AP3S1: variants seen among roughly 807,000 people sequenced by gnomAD.
AP3S1 encodes adaptor related protein complex 3 subunit sigma 1.
AP3S1 carries 12 observed loss-of-function variants against 21.3 expected under a neutral mutation model. That is an observed-to-expected ratio of 0.56 (90% CI 0.36 to 0.91). AP3S1 has a LOEUF of 0.91. Ranked by LOEUF, AP3S1 falls within the 40% of genes least tolerant of loss-of-function variation. AP3S1 has a pLI of 0.01. For synonymous variants in AP3S1, 48 were observed against 78.4 expected (o/e 0.61, Z 2.05); for missense variants, 116 against 225.0 (o/e 0.52, Z 3.10).
At chr5:115,849,929 T>C (rs1407362313) in intron 1 of AP3S1, among the ~76,000 whole-genome samples, 1 of 151,932 alleles carries the variant, frequency 6.6e-6, no homozygotes, top group Non-Finnish European at 1.5e-5. Flanking sequence ...ACAAAAAACA[T>C]GAGTGCTCCA....
chr5:115,889,402 A>G (rs1324321228), intron 3 of AP3S1, among the ~76,000 whole-genome samples: 1 of 152,220 alleles, frequency 6.6e-6, no homozygotes, highest in Non-Finnish European at 1.5e-5. Flanking sequence ...ACAGAAATCA[A>G]TTTCAGATAA....
chr5:115,845,436 G>C (rs1761982840), intron 1 of AP3S1, among the ~76,000 whole-genome samples: 1 of 152,184 alleles, frequency 6.6e-6, no homozygotes, highest in Non-Finnish European at 1.5e-5. Flanking sequence ...TAGATTGTTA[G>C]ATTCGATTGT....
intron 3 of AP3S1, among the ~76,000 whole-genome samples, chr5:115,873,375 A>G (rs997311900): frequency 2.0e-5 from 3 of 152,226 alleles, no homozygotes; most frequent in Non-Finnish European, 2.9e-5. Flanking sequence ...GATAACATAC[A>G]GAAGAAAGGA....
chr5:115,857,407 A>G (rs989892550), intron 1 of AP3S1, among the ~76,000 whole-genome samples: 1 of 152,226 alleles, frequency 6.6e-6, no homozygotes, highest in Non-Finnish European at 1.5e-5. Context: ...GCTACAAATG[A>G]GGAAAACTCA....
intron 1 of AP3S1, among the ~76,000 whole-genome samples, chr5:115,857,671 T>C (rs1762894996): frequency 6.6e-6 from 1 of 152,252 alleles, no homozygotes; most frequent in Admixed American, 6.5e-5. Flanking sequence ...TTTATGTACG[T>C]GTCTAAATAA....
rs34447523 is a variant in AP3S1, at chr5:115,855,019, A to ATATCTATCTATC, written c.70-11617_70-11606dup. On this transcript the variant is annotated intron_variant, in intron 1 of 5. Transcript: ENST00000316788. Reference sequence around the variant, plus strand: ...GTGTGTGTGTGTATGTATATATTTTATATCTATCTATCTATCTATCTATCT... The same window carrying ATATCTATCTATC: ...GTGTGTGTGTGTATGTATATATTTTATATCTATCTATCTATCTATCTATCTATCTATCTATCT... Among the ~76,000 whole-genome samples, 1,250 of 147,536 alleles carry ATATCTATCTATC rather than the reference A, an allele frequency of 8.5e-3. 6 individuals carry two copies. The highest frequency in any genetic ancestry group is 0.011 in the Non-Finnish European group (720 of 66,942).
At chr5:115,879,983 T>C (rs1048709950) in intron 3 of AP3S1, among the ~76,000 whole-genome samples, 4 of 152,192 alleles carry the variant, frequency 2.6e-5, no homozygotes, top group African/African-American at 9.7e-5. Flanking sequence ...GATTTTCTAG[T>C]TTATTTGCGT....
Position 115,866,690 on chromosome 5 carries a change from A to T in AP3S1, c.90A>T (p.Gln30His). The T allele has an allele frequency of 6.2e-7, 1 of 1,604,926 alleles. No individual in the cohort carries two copies. Among genetic ancestry groups the T allele is most frequent in the East Asian group, 2.3e-5 (1 of 44,432 alleles). Reference sequence around the variant, plus strand: ...CTCAGAGTGAAGATACACAACAGCAAATCATCAGGGAGACTTTCCATTTGG... The same window carrying T: ...CTCAGAGTGAAGATACACAACAGCATATCATCAGGGAGACTTTCCATTTGG... ...YQPYSEDTQQ[Q>H]IIRETFHLVS... The change falls in exon 2 of 6, where the codon CAA becomes CAT. Residue 30 changes from glutamine to histidine, a missense_variant. Gln to His is a conservative substitution (Grantham distance 24). Around this residue, in one of 3 missense-constraint regions of AP3S1, gnomAD observed 50 missense variants for 55.5 expected, o/e 0.90. Coordinates refer to ENST00000316788, the MANE Select transcript of AP3S1 (RefSeq NM_001284.4).
chr5:115,854,314 C>G (rs1182994514), intron 1 of AP3S1, among the ~76,000 whole-genome samples: 1 of 152,158 alleles, frequency 6.6e-6, no homozygotes, highest in African/African-American at 2.4e-5. Context: ...GTTAATTATA[C>G]CTGCCATTTA....
intron 5 of AP3S1, among the ~76,000 whole-genome samples, chr5:115,911,298 AGT>A (rs1752087789): frequency 6.6e-6 from 1 of 151,994 alleles, no homozygotes; most frequent in Non-Finnish European, 1.5e-5. Context: ...ACTATTTATA[AGT>A]GTAAACCATA....
intron 3 of AP3S1, 78 bp from the exon 4 acceptor site, chr5:115,895,005 ATAAT>A (rs1464775221): frequency 1.1e-6 from 1 of 872,888 alleles, no homozygotes; most frequent in African/African-American, 1.7e-5. Context: ...ATTTTAGTTC[ATAAT>A]TAAGAATTGC....
intron 5 of AP3S1, among the ~76,000 whole-genome samples, chr5:115,913,095 A>C (rs1042865927): frequency 6.6e-6 from 1 of 152,168 alleles, no homozygotes; most frequent in African/African-American, 2.4e-5. Context: ...TATCATGTGA[A>C]TATTGTGTGG....
At chr5:115,864,967 T>TA (rs1209219733) in intron 1 of AP3S1, among the ~76,000 whole-genome samples, 8 of 152,154 alleles carry the variant, frequency 5.3e-5, no homozygotes, top group Non-Finnish European at 4.4e-5. Flanking sequence ...ATGCTAAAGC[T>TA]AAAGCAGACA....
rs139745556 is a variant in AP3S1, at chr5:115,884,097, A to G, written c.274-10990A>G. Among the ~76,000 whole-genome samples, 777 of 152,292 alleles carry G rather than the reference A, an allele frequency of 5.1e-3. 2 individuals carry two copies. The highest frequency in any genetic ancestry group is 7.0e-3 in the South Asian group (34 of 4,826). On this transcript the variant is annotated intron_variant, in intron 3 of 5. Transcript: ENST00000316788. ...AGAAACCATGTTTATCACTTTGCAC[A>G]GTTCAGTGGTTGCTGAGATCTATTA...
chr5:115,842,554 C>T (rs1761692549), intron 1 of AP3S1: 1 of 160,118 alleles, frequency 6.2e-6, no homozygotes, highest in South Asian at 1.8e-4. Context: ...TCGCCCCCCT[C>T]CGCCGACTCC....
chr5:115,889,327 A>G (rs1445505553), intron 3 of AP3S1, among the ~76,000 whole-genome samples: 1 of 152,328 alleles, frequency 6.6e-6, no homozygotes. Context: ...GCATACTGGA[A>G]ATTGTATTCT....
intron 1 of AP3S1, among the ~76,000 whole-genome samples, chr5:115,844,714 T>G (rs1310308335): frequency 6.6e-6 from 1 of 152,162 alleles, no homozygotes; most frequent in East Asian, 1.9e-4. Flanking sequence ...AACCCCTTGT[T>G]CTAGGCCCAG....
At position 115,846,565 on chromosome 5, in the gene AP3S1, T is replaced by C. The variant is rs550735852; in HGVS notation, c.69+4459T>C. The stretch of plus-strand genomic sequence containing the variant: ...AGATTCTTCTTTCTCGTTTTTTTTT[T>C]TTTTTTTAAATCTTAACATAAAAAT... On this transcript the variant is annotated intron_variant, in intron 1 of 5. Transcript: ENST00000316788. 4.3e-3 allele frequency among the ~76,000 whole-genome samples: 648 copies of C among 152,126 alleles called. 7 individuals are homozygous for C. The highest frequency in any genetic ancestry group is 0.015 in the African/African-American group (626 of 41,554).
intron 4 of AP3S1, among the ~76,000 whole-genome samples, chr5:115,897,167 G>T (rs555000633): frequency 1.3e-5 from 2 of 152,232 alleles, no homozygotes; most frequent in Admixed American, 6.5e-5. Flanking sequence ...TATAGTACTT[G>T]ATTTTACATC....
Sources: gnomAD v4.1 joint callset for allele counts (sites outside exome capture counted in the v4.1 genomes callset) on GRCh38, gnomAD v4.1.1 for gene constraint, gnomAD v4.1.1 regional missense constraint, MANE v1.5 for transcripts, NCBI Gene and HGNC (gene_info 2026-07-23, HGNC 2026-07-21) for gene names.